The following GLTP variants were observed in gnomAD, a reference collection of about 807,000 sequenced individuals.
The protein encoded by GLTP is glycolipid transfer protein.
Under a neutral mutation model 24.0 loss-of-function variants are expected in GLTP, and 22 were observed. The observed-to-expected ratio is 0.92, with a 90% CI of 0.65 to 1.31. The LOEUF is 1.31. GLTP is among the 50% of genes most tolerant of loss of function. The pLI is 0.00. For synonymous variants in GLTP, 92 were observed against 115.9 expected, an observed-to-expected ratio of 0.79 and a Z score of 1.33; for missense variants, 224 against 276.6, an observed-to-expected ratio of 0.81 and a Z score of 1.35.
intron 1 of GLTP, among the ~76,000 whole-genome samples, chr12:109,863,773 T>C (rs940068084): frequency 1.3e-5 from 2 of 152,194 alleles, no homozygotes; most frequent in African/African-American, 4.8e-5. Context: ...CTGACCACGA[T>C]TGTTTTTACT....
At chr12:109,869,303 CA>C (rs140914540) in intron 1 of GLTP, among the ~76,000 whole-genome samples, 1,156 of 49,010 alleles carry the variant, frequency 0.024, 12 homozygotes, top group Middle Eastern at 0.031. Flanking sequence ...GGCTCTACCT[CA>C]AAAAAAAAAA....
chr12:109,859,415 A>G (rs1892843089), intron 1 of GLTP, among the ~76,000 whole-genome samples: 1 of 152,118 alleles, frequency 6.6e-6, no homozygotes, highest in Non-Finnish European at 1.5e-5. Context: ...GCTACTCAGG[A>G]GGCTGAGGCA....
chr12:109,862,288 CT>C (rs1260006579), intron 1 of GLTP, among the ~76,000 whole-genome samples: 2 of 152,188 alleles, frequency 1.3e-5, no homozygotes, highest in African/African-American at 4.8e-5. Context: ...CTGACCTCCG[CT>C]GCGTGTAGAG....
At chr12:109,877,484 T>A (rs1868924605) in intron 1 of GLTP, among the ~76,000 whole-genome samples, 1 of 152,070 alleles carries the variant, frequency 6.6e-6, no homozygotes. Context: ...CTGGGGATAG[T>A]TTAGGTTGTC....
intron 4 of GLTP, among the ~76,000 whole-genome samples, chr12:109,853,247 G>A (rs12313721): frequency 0.085 from 12,967 of 152,186 alleles, 599 homozygotes; most frequent in Middle Eastern, 0.13. Context: ...GAGTTGGGGA[G>A]ACGACTGCTA....
At chr12:109,873,239 T>C (rs1413816371) in intron 1 of GLTP, among the ~76,000 whole-genome samples, 1 of 150,896 alleles carries the variant, frequency 6.6e-6, no homozygotes, top group African/African-American at 2.4e-5. Context: ...TGGTCCCAAA[T>C]CTCAGAGGAT....
intron 1 of GLTP, among the ~76,000 whole-genome samples, chr12:109,868,978 C>T (rs1286062996): frequency 6.6e-6 from 1 of 152,082 alleles, no homozygotes; most frequent in Non-Finnish European, 1.5e-5. Flanking sequence ...AGAATGTTTA[C>T]AAAACAATTC....
rs775732602 is a variant in GLTP, at chr12:109,864,787, G to A, written c.104-6046C>T. 2.2e-4 allele frequency among the ~76,000 whole-genome samples: 33 copies of A among 152,254 alleles called. 1 individual carries two copies. The highest frequency in any genetic ancestry group is 2.2e-3 in the Admixed American group (33 of 15,296). On this transcript the variant is annotated intron_variant, in intron 1 of 4. Coordinates refer to ENST00000318348, the MANE Select transcript of GLTP (RefSeq NM_016433.4). The stretch of plus-strand genomic sequence containing the variant: ...CAGAGAAAATAGGAAACCAGAAGAC[G>A]ATTTTAATTCCCAAGCATGTGGTGG...
In GLTP at chr12:109,851,482, CACACCA is replaced by C. The variant is rs1892721854; in HGVS notation, c.*1067_*1072del. ...GGGCTGTGCAAACCACATGAGAATA[CACACCA>C]GTTTGCTTTTTAAAAAATCCCACAT... On this transcript the variant is annotated 3_prime_UTR_variant, in exon 5 of 5. Coordinates refer to ENST00000318348, the MANE Select transcript of GLTP (RefSeq NM_016433.4). The C allele has an allele frequency of 6.6e-6, 1 of 152,236 alleles. No individual in the cohort carries two copies. Among genetic ancestry groups the C allele is most frequent in the South Asian group, 2.1e-4 (1 of 4,836 alleles). The allele number at this position is 152,236 out of a possible 1,614,324, so 9.4% of individuals were successfully genotyped here. A position where few individuals can be genotyped will look rare whatever the true frequency, so the allele number is the denominator to read the frequency against.
intron 1 of GLTP, among the ~76,000 whole-genome samples, chr12:109,879,874 AG>A (rs1469306634): frequency 6.6e-6 from 1 of 152,096 alleles, no homozygotes; most frequent in Non-Finnish European, 1.5e-5. Flanking sequence ...GAGAGCCATC[AG>A]AAAGCGCCAG....
At chr12:109,865,325 T>C (rs1592891462) in intron 1 of GLTP, among the ~76,000 whole-genome samples, 1 of 152,156 alleles carries the variant, frequency 6.6e-6, no homozygotes, top group African/African-American at 2.4e-5. Context: ...TCTTCTTATT[T>C]TTTAATAGAG....
In GLTP at chr12:109,880,468, G is replaced by T; in HGVS notation, c.-94C>A. The T allele has an allele frequency of 5.8e-6, 2 of 345,442 alleles. No individual in the cohort carries two copies. Among genetic ancestry groups the T allele is most frequent in the Non-Finnish European group, 9.3e-6 (2 of 214,570 alleles). 21.4% of individuals were successfully genotyped at this position (345,442 alleles called of 1,614,324 possible). A position where few individuals can be genotyped will look rare whatever the true frequency, so the allele number is the denominator to read the frequency against. Reference sequence around the variant, plus strand: ...CGCCGTCAGCGCCGGGGCCGTCACAGCCGCCCGCCGCAGGCTCCGGGGACG... The same window carrying T: ...CGCCGTCAGCGCCGGGGCCGTCACATCCGCCCGCCGCAGGCTCCGGGGACG... On this transcript the variant is annotated 5_prime_UTR_variant, in exon 1 of 5. The change creates a new upstream start codon in the 5' untranslated region. Transcript: ENST00000318348. The surrounding 1 kb of genome is among the most constrained non-coding windows in gnomAD (Gnocchi z 5.1).
intron 2 of GLTP, chr12:109,858,136 G>A (rs989599815): frequency 1.7e-5 from 8 of 457,788 alleles, no homozygotes; most frequent in Non-Finnish European, 3.1e-5. Context: ...GCTTTGCCAC[G>A]TACTTGCTTG....
intron 1 of GLTP, among the ~76,000 whole-genome samples, chr12:109,867,835 T>C (rs1868580249): frequency 6.6e-6 from 1 of 150,794 alleles, no homozygotes. Context: ...TGGAGTGCAC[T>C]GACACGATCT....
Position 109,857,555 on chromosome 12 carries a change from C to T in GLTP, c.267G>A (p.Gly89=), listed in dbSNP as rs931256256. ...EMYGAEWPKV[G]ATLALMWLKR... is the part of the protein sequence containing the mutation. Reference sequence around the variant, plus strand: ...TCAGCCACATCAGCGCCAGTGTGGCCCCTACTTTGGGCCACTCTGCTCCAT... The same window carrying T: ...TCAGCCACATCAGCGCCAGTGTGGCTCCTACTTTGGGCCACTCTGCTCCAT... Residue 89 remains glycine, a synonymous_variant, in exon 3 of 5, where the codon GGG becomes GGA. Coordinates refer to ENST00000318348, the MANE Select transcript of GLTP (RefSeq NM_016433.4). The surrounding 1 kb of genome is among the most constrained non-coding windows in gnomAD (Gnocchi z 4.3). 5 of 1,613,746 alleles carry T rather than the reference C, an allele frequency of 3.1e-6. No individual in the cohort carries two copies. The African/African-American group carries it at 6.7e-5, about 22-fold the overall frequency.
chr12:109,880,436 C>CT lies in GLTP; in HGVS notation c.-63_-62insA. The stretch of plus-strand genomic sequence containing the variant: ...GCCGCGGGCGTCGACACCGCCCCCC[C>CT]GGCCGCCGCCGTCAGCGCCGGGGCC... On this transcript the variant is annotated 5_prime_UTR_variant, in exon 1 of 5. Coordinates refer to ENST00000318348, the MANE Select transcript of GLTP (RefSeq NM_016433.4). The surrounding 1 kb of genome is among the most constrained non-coding windows in gnomAD (Gnocchi z 5.1). The CT allele has an allele frequency of 1.4e-6, 1 of 701,022 alleles. No homozygotes were observed. The allele number at this position is 701,022 out of a possible 1,614,324, so 43.4% of individuals were successfully genotyped here.
intron 1 of GLTP, chr12:109,860,370 C>T (rs1892856441): frequency 4.7e-6 from 1 of 214,916 alleles, no homozygotes; most frequent in African/African-American, 2.3e-5. Context: ...CACTCCTGGA[C>T]TCCTGCCCTC....
At chr12:109,871,452 C>A (rs966076176) in intron 1 of GLTP, among the ~76,000 whole-genome samples, 3 of 152,136 alleles carry the variant, frequency 2.0e-5, no homozygotes, top group Non-Finnish European at 4.4e-5. Context: ...AACTTCCTAT[C>A]ATTTCCCCTC....
At chr12:109,859,380 G>A (rs1340186544) in intron 1 of GLTP, among the ~76,000 whole-genome samples, 2 of 152,192 alleles carry the variant, frequency 1.3e-5, no homozygotes, top group East Asian at 3.9e-4. Flanking sequence ...TTAGCTGGGC[G>A]TGGTGGCTTG....
Sources: gnomAD v4.1 joint callset for allele counts (sites outside exome capture counted in the v4.1 genomes callset) on GRCh38, gnomAD v4.1.1 for gene constraint, Gnocchi (gnomAD v3.1) non-coding constraint, MANE v1.5 for transcripts, NCBI Gene and HGNC (gene_info 2026-07-23, HGNC 2026-07-21) for gene names.